Variants in CYFIP1 observed in about 807,000 individuals in gnomAD.
The protein encoded by CYFIP1 is cytoplasmic FMR1-interacting protein 1.
CYFIP1 carries 58 observed loss-of-function variants against 163.5 expected under a neutral mutation model. That is an observed-to-expected ratio of 0.35 (90% CI 0.29 to 0.44). CYFIP1 has a LOEUF of 0.44. CYFIP1 is among the 20% of genes least tolerant of loss of function. CYFIP1 has a pLI of 1.00. For missense variants in CYFIP1, 1,338 were observed against 1,653.8 expected (o/e 0.81, Z 3.31); for synonymous variants, 663 against 660.7 (o/e 1.00, Z -0.05).
chr15:22,969,309 C>T (rs139817700), intron 1 of CYFIP1, among the ~76,000 whole-genome samples: 176 of 152,230 alleles, frequency 1.2e-3, no homozygotes, highest in Non-Finnish European at 2.0e-3. Flanking sequence ...CCACAGCCCA[C>T]GGCATGGGCT....
In CYFIP1 at chr15:22,941,574, G is replaced by A. The variant is rs140224889; in HGVS notation, c.569+1599C>T. ...GTGTGGTGGGGGTCTTGGGAGGGGT[G>A]GGGGTGATGGTCTGGGAAGGTTAAC... On this transcript the variant is annotated intron_variant, in intron 6 of 30. Coordinates refer to ENST00000617928, the MANE Select transcript of CYFIP1 (RefSeq NM_014608.6). 5.5e-4 allele frequency among the ~76,000 whole-genome samples: 84 copies of A among 152,144 alleles called. 3 individuals carry two copies. In the East Asian group the frequency reaches 0.012, roughly 22 times the overall value.
chr15:22,885,592 G>C (rs1385092211), intron 23 of CYFIP1, among the ~76,000 whole-genome samples: 1 of 152,130 alleles, frequency 6.6e-6, no homozygotes, highest in Non-Finnish European at 1.5e-5. Flanking sequence ...AATTAACTGG[G>C]CATGGTGGTG....
Position 22,867,395 on chromosome 15 carries a change from A to C in CYFIP1, c.*2633T>G. 4 of 386,144 alleles carry C rather than the reference A, an allele frequency of 1.0e-5. No individual in the cohort carries two copies. The highest frequency in any genetic ancestry group is 4.6e-6 in the Non-Finnish European group (1 of 219,240). 23.9% of individuals were successfully genotyped at this position (386,144 alleles called of 1,614,324 possible). A position where few individuals can be genotyped will look rare whatever the true frequency, so the allele number is the denominator to read the frequency against. Reference sequence around the variant, plus strand: ...GGAACCTCTTTCTTACAAAACAAAAAAAAGGGCAGAAATCACCCCAAGGAA... The same window carrying C: ...GGAACCTCTTTCTTACAAAACAAAACAAAGGGCAGAAATCACCCCAAGGAA... On this transcript the variant is annotated 3_prime_UTR_variant, in exon 31 of 31. Transcript: ENST00000617928.
chr15:22,933,364 G>C (rs932688429), intron 10 of CYFIP1, among the ~76,000 whole-genome samples: 5 of 151,102 alleles, frequency 3.3e-5, no homozygotes, highest in Admixed American at 6.6e-5. Flanking sequence ...GCCCAGGTTG[G>C]AGTGCAGTGG....
At chr15:22,943,661 G>A (rs779681488) in intron 5 of CYFIP1, among the ~76,000 whole-genome samples, 4 of 152,192 alleles carry the variant, frequency 2.6e-5, no homozygotes, top group African/African-American at 2.4e-5. Flanking sequence ...GTAAAATTCA[G>A]ATGTTCTAAC....
chr15:22,927,878 C>T (rs760509839), intron 12 of CYFIP1, 28 bp downstream of exon 12: 7 of 1,568,262 alleles, frequency 4.5e-6, no homozygotes, highest in Admixed American at 4.2e-5. Context: ...AGCTTTGGAG[C>T]GGGGCTGGGG....
At chr15:22,909,121 C>T in intron 21 of CYFIP1, 73 bp downstream of exon 21, 1 of 1,591,368 alleles carries the variant, frequency 6.3e-7, no homozygotes, top group Non-Finnish European at 8.6e-7. Context: ...GAGTGCATCT[C>T]TTTTATCATC....
intron 23 of CYFIP1, among the ~76,000 whole-genome samples, chr15:22,890,309 CAA>C (rs916023349): frequency 1.4e-4 from 11 of 81,460 alleles, no homozygotes; most frequent in Admixed American, 2.4e-4. Context: ...GACTCCATCT[CAA>C]AAAAAAAAAA....
chr15:22,901,311 C>G (rs531896042), intron 22 of CYFIP1, among the ~76,000 whole-genome samples: 16 of 152,114 alleles, frequency 1.1e-4, no homozygotes, highest in Non-Finnish European at 2.1e-4. Context: ...ACGACCGGGA[C>G]AAATTTTAAT....
chr15:22,872,797 A>G, intron 30 of CYFIP1, 28 bp downstream of exon 30: 2 of 1,610,942 alleles, frequency 1.2e-6, no homozygotes, highest in East Asian at 2.2e-5. Flanking sequence ...AAAGGTCCAT[A>G]GATGGTGCGA....
In CYFIP1 at chr15:22,944,947, G is replaced by T; in HGVS notation, c.208-8C>A. The T allele has an allele frequency of 6.2e-7, 1 of 1,613,254 alleles. No individual in the cohort carries two copies. The highest frequency in any genetic ancestry group is 1.1e-5 in the South Asian group (1 of 91,062). ...CTCCTCCAGCATCTCGTTCTGCAAT[G>T]GAACACAGGGCAAATCAAAGGCAGG... On this transcript the variant is annotated splice_polypyrimidine_tract_variant and splice_region_variant and intron_variant, in intron 3 of 30. Transcript: ENST00000617928.
chr15:22,932,704 G>A (rs945280516), intron 10 of CYFIP1, among the ~76,000 whole-genome samples: 3 of 152,176 alleles, frequency 2.0e-5, no homozygotes, highest in Admixed American at 2.0e-4. Flanking sequence ...CTGCAGTGGG[G>A]AGGAGTGCCT....
chr15:22,948,038 G>C lies in CYFIP1; in HGVS notation c.-6-747C>G, dbSNP rs1047264146. On this transcript the variant is annotated intron_variant, in intron 1 of 30. Transcript: ENST00000617928. Reference sequence around the variant, plus strand: ...GGCAGCTGAGCCACATTCTATGAAGGAAAGAGCAGCAGGTGGCCTGGAGGA... The same window carrying C: ...GGCAGCTGAGCCACATTCTATGAAGCAAAGAGCAGCAGGTGGCCTGGAGGA... The C allele has an allele frequency of 8.2e-6, 8 of 975,478 alleles. No individual in the cohort carries two copies. The African/African-American group carries it at 1.4e-4, about 17-fold the overall frequency. The allele number at this position is 975,478 out of a possible 1,614,324, so 60.4% of individuals were successfully genotyped here.
At chr15:22,910,704 G>T in intron 19 of CYFIP1, 33 bp downstream of exon 19, 2 of 1,606,254 alleles carry the variant, frequency 1.2e-6, no homozygotes, top group Non-Finnish European at 1.7e-6. Flanking sequence ...ATTATGAAAC[G>T]TTTTGTATCA....
chr15:22,932,294 C>G lies in CYFIP1; in HGVS notation c.1039G>C (p.Glu347Gln). Residue 347 changes from glutamate (E) to glutamine (Q), a missense_variant, in exon 11 of 31, where the codon GAG becomes CAG. By Grantham distance (29) the Glu-to-Gln change is conservative. Transcript: ENST00000617928. ...SGSSPQYNIC[E>Q]QMIQIREDHM... is the part of the protein sequence containing the mutation. ...TCCTCGCGGATCTGGATCATCTGCT[C>G]GCAGATGTTGTACTGAGGGCTGCTG... The G allele has an allele frequency of 6.2e-7, 1 of 1,612,790 alleles. No homozygotes were observed. The highest frequency in any genetic ancestry group is 8.5e-7 in the Non-Finnish European group (1 of 1,179,472).
At chr15:22,930,422 G>A (rs867524100) in intron 11 of CYFIP1, among the ~76,000 whole-genome samples, 17 of 139,520 alleles carry the variant, frequency 1.2e-4, no homozygotes, top group Middle Eastern at 3.9e-3. Context: ...ACTGTACTCC[G>A]AAAAAAACTG....
chr15:22,966,572 G>A (rs925236154), intron 1 of CYFIP1, among the ~76,000 whole-genome samples: 6 of 151,942 alleles, frequency 3.9e-5, no homozygotes, highest in South Asian at 2.1e-4. Context: ...CCACCCAGTC[G>A]CTGGTACTGT....
At chr15:22,911,233 A>G (rs1183888183) in intron 18 of CYFIP1, among the ~76,000 whole-genome samples, 1 of 152,154 alleles carries the variant, frequency 6.6e-6, no homozygotes. Context: ...ACAACAGCAC[A>G]CTAAATAAAC....
intron 23 of CYFIP1, among the ~76,000 whole-genome samples, chr15:22,883,834 AAAAG>A (rs1451646157): frequency 6.6e-6 from 1 of 151,678 alleles, no homozygotes; most frequent in Non-Finnish European, 1.5e-5. Context: ...AAAAAAAAAA[AAAAG>A]GCAGGTTTAA....
Sources: gnomAD v4.1 joint callset for allele counts (sites outside exome capture counted in the v4.1 genomes callset) on GRCh38, gnomAD v4.1.1 for gene constraint, MANE v1.5 for transcripts, NCBI Gene and HGNC (gene_info 2026-07-23, HGNC 2026-07-21) for gene names.